The following AGPAT4 variants were observed in gnomAD, a reference collection of about 807,000 sequenced individuals.
AGPAT4 encodes 1-acyl-sn-glycerol-3-phosphate acyltransferase delta.
A neutral mutation model predicts 48.0 loss-of-function variants in AGPAT4; 15 were observed. The ratio of observed to expected loss-of-function variants is 0.31; its 90% confidence interval spans 0.21 to 0.48. AGPAT4 has a LOEUF of 0.48. Among genes scored for constraint, AGPAT4 ranks in the 20% least tolerant of loss-of-function variants. The pLI, the probability that AGPAT4 is intolerant of heterozygous loss-of-function variation, is 0.99. For missense variants in AGPAT4, 314 were observed against 482.5 expected, an observed-to-expected ratio of 0.65 and a Z score of 3.27; for synonymous variants, 178 against 198.7, an observed-to-expected ratio of 0.90 and a Z score of 0.88.
chr6:161,268,369 A>G (rs1783325096), intron 1 of AGPAT4, among the ~76,000 whole-genome samples: 1 of 152,196 alleles, frequency 6.6e-6, no homozygotes, highest in Non-Finnish European at 1.5e-5. Context: ...AACGGGATAC[A>G]TGTGCAGAAT....
chr6:161,131,226 G>A lies in AGPAT4; in HGVS notation c.*5314C>T, dbSNP rs1778890291. 4.6e-6 allele frequency: 1 copy of A among 217,860 alleles called. No homozygotes were observed. Among genetic ancestry groups the A allele is most frequent in the Non-Finnish European group, 9.5e-6 (1 of 105,154 alleles). 13.5% of individuals were successfully genotyped at this position (217,860 alleles called of 1,614,324 possible). ...AAGCTTTACTAACACAGCCCTGGGT[G>A]CTATTTCCAGATACTGAAAAGATCT... On this transcript the variant is annotated 3_prime_UTR_variant, in exon 9 of 9. Transcript: ENST00000320285.
chr6:161,230,135 T>A (rs1265835849), intron 2 of AGPAT4, among the ~76,000 whole-genome samples: 5 of 152,174 alleles, frequency 3.3e-5, no homozygotes, highest in Non-Finnish European at 5.9e-5. Context: ...CACTAATGCA[T>A]CCTGAGAAAA....
rs1403173341 is a variant in AGPAT4, at chr6:161,254,566, C to A, written c.-90+19372G>T. On this transcript the variant is annotated intron_variant, in intron 1 of 8. Coordinates refer to ENST00000320285, the MANE Select transcript of AGPAT4 (RefSeq NM_020133.3). The surrounding 1 kb of genome is among the most constrained non-coding windows in gnomAD (Gnocchi z 5.9). The stretch of plus-strand genomic sequence containing the variant: ...CGGCCATGTTCTTTATGTCCTTTCA[C>A]TCCTCTGCTTACAGTAAGAAATAAC... Among the ~76,000 whole-genome samples, 1 of 152,242 alleles carries A rather than the reference C, an allele frequency of 6.6e-6. No homozygotes were observed. The highest frequency in any genetic ancestry group is 6.5e-5 in the Admixed American group (1 of 15,284).
chr6:161,259,840 G>A lies in AGPAT4; in HGVS notation c.-90+14098C>T, dbSNP rs1490598960. 6.6e-6 allele frequency among the ~76,000 whole-genome samples: 1 copy of A among 152,154 alleles called. No individual in the cohort carries two copies. The highest frequency in any genetic ancestry group is 2.4e-5 in the African/African-American group (1 of 41,442). Reference sequence around the variant, plus strand: ...CAGGGGTCCACTTTTTACAATGTCAGCACCTAGCTCCATGGTATCTATGTG... The same window carrying A: ...CAGGGGTCCACTTTTTACAATGTCAACACCTAGCTCCATGGTATCTATGTG... On this transcript the variant is annotated intron_variant, in intron 1 of 8. Transcript: ENST00000320285. This position sits in a 1 kb window ranked among gnomAD's most constrained non-coding sequence, Gnocchi z 4.9.
rs1023707451 is a variant in AGPAT4 at position 161,232,815 on chromosome 6, A to G, written c.-89-513T>C. 6.6e-6 allele frequency among the ~76,000 whole-genome samples: 1 copy of G among 152,182 alleles called. No homozygotes were observed. Among genetic ancestry groups the G allele is most frequent in the Non-Finnish European group, 1.5e-5 (1 of 68,034 alleles). On this transcript the variant is annotated intron_variant, in intron 1 of 8. Coordinates refer to ENST00000320285, the MANE Select transcript of AGPAT4 (RefSeq NM_020133.3). This position sits in a 1 kb window ranked among gnomAD's most constrained non-coding sequence, Gnocchi z 6.8. ...TTCCAGCAGGACTGCCCTAAAGTCA[A>G]GCCTGCCCTGGACAAGGACGAGGAC...
rs1779229712 is a variant in AGPAT4 at position 161,140,926 on chromosome 6, G to A, written c.844-1306C>T. ...AGTTTGTGTCCCATGAACTAGCCTAGTAATGTCCCAGTTCTCTAAGGAGTC... is the reference window on the plus strand; with the variant it reads ...AGTTTGTGTCCCATGAACTAGCCTAATAATGTCCCAGTTCTCTAAGGAGTC... On this transcript the variant is annotated intron_variant, in intron 7 of 8. Transcript: ENST00000320285. This position sits in a 1 kb window ranked among gnomAD's most constrained non-coding sequence, Gnocchi z 6.5. Among the ~76,000 whole-genome samples, 1 of 152,230 alleles carries A rather than the reference G, an allele frequency of 6.6e-6. No homozygotes were observed. The highest frequency in any genetic ancestry group is 2.4e-5 in the African/African-American group (1 of 41,462).
rs146793186 is a variant in AGPAT4, at chr6:161,155,220, G to A, written c.349-910C>T. On this transcript the variant is annotated intron_variant, in intron 3 of 8. Coordinates refer to ENST00000320285, the MANE Select transcript of AGPAT4 (RefSeq NM_020133.3). The surrounding 1 kb of genome is among the most constrained non-coding windows in gnomAD (Gnocchi z 5.8). ...ACATCAGTCCCCCTACACTGAGGAAGACCAGGGCTTCAGTGGGATGGACGG... is the reference window on the plus strand; with the variant it reads ...ACATCAGTCCCCCTACACTGAGGAAAACCAGGGCTTCAGTGGGATGGACGG... 9.7e-3 allele frequency among the ~76,000 whole-genome samples: 1,472 copies of A among 152,324 alleles called. 18 individuals carry two copies. The highest frequency in any genetic ancestry group is 0.015 in the Non-Finnish European group (1,006 of 68,018).
rs1247562403 is a variant in AGPAT4 at position 161,226,085 on chromosome 6, C to T, written c.178+5951G>A. The stretch of plus-strand genomic sequence containing the variant: ...ACCATCTGGGAACTGATAAGGATGA[C>T]TCTTTGGACCTTCAAAGAGGGGACC... On this transcript the variant is annotated intron_variant, in intron 2 of 8. Coordinates refer to ENST00000320285, the MANE Select transcript of AGPAT4 (RefSeq NM_020133.3). The surrounding 1 kb of genome is among the most constrained non-coding windows in gnomAD (Gnocchi z 6.3). Among the ~76,000 whole-genome samples, 3 of 152,188 alleles carry T rather than the reference C, an allele frequency of 2.0e-5. No homozygotes were observed. Among genetic ancestry groups the T allele is most frequent in the Non-Finnish European group, 2.9e-5 (2 of 68,040 alleles).
At position 161,206,037 on chromosome 6, in the gene AGPAT4, T is replaced by G. The variant is rs780874674; in HGVS notation, c.178+25999A>C. Among the ~76,000 whole-genome samples the G allele has an allele frequency of 1.2e-4, 18 of 152,018 alleles. No homozygotes were observed. The highest frequency in any genetic ancestry group is 2.1e-4 in the Non-Finnish European group (14 of 68,000). On this transcript the variant is annotated intron_variant, in intron 2 of 8. Coordinates refer to ENST00000320285, the MANE Select transcript of AGPAT4 (RefSeq NM_020133.3). This position sits in a 1 kb window ranked among gnomAD's most constrained non-coding sequence, Gnocchi z 4.8. ...AGGAACGACATGGTGGTGAACTCTT[T>G]GTACTCGTATGTTTTTTCAAGCCCG...
At position 161,243,638 on chromosome 6, in the gene AGPAT4, G is replaced by C. The variant is rs1782563771; in HGVS notation, c.-89-11336C>G. ...TAACAATTACACACAGGAAGGCAGA[G>C]AAACAGCACAACAGCTGCAGGAAGA... is the stretch of plus-strand genomic sequence containing the variant. On this transcript the variant is annotated intron_variant, in intron 1 of 8. Transcript: ENST00000320285. This position sits in a 1 kb window ranked among gnomAD's most constrained non-coding sequence, Gnocchi z 4.8. Among the ~76,000 whole-genome samples, 1 of 152,192 alleles carries C rather than the reference G, an allele frequency of 6.6e-6. No homozygotes were observed. Among genetic ancestry groups the C allele is most frequent in the African/African-American group, 2.4e-5 (1 of 41,442 alleles).
chr6:161,166,293 G>A lies in AGPAT4; in HGVS notation c.303C>T (p.Asp101=). ...CGGACAGGCTCCAGCCACACAGAAA[G>A]TCAATTTCAAACTTGTGGTTGAGAA... ...IVVLNHKFEI[D]FLCGWSLSER... Residue 101 remains aspartate, a synonymous_variant, in exon 3 of 9, where the codon GAC becomes GAT. Transcript: ENST00000320285. This position sits in a 1 kb window ranked among gnomAD's most constrained non-coding sequence, Gnocchi z 6.7. 1 of 1,614,126 alleles carries A rather than the reference G, an allele frequency of 6.2e-7. No individual in the cohort carries two copies. The highest frequency in any genetic ancestry group is 1.1e-5 in the South Asian group (1 of 91,076).
chr6:161,139,983 T>C lies in AGPAT4; in HGVS notation c.844-363A>G, dbSNP rs1779199413. Among the ~76,000 whole-genome samples the C allele has an allele frequency of 6.6e-6, 1 of 152,192 alleles. No individual in the cohort carries two copies. Among genetic ancestry groups the C allele is most frequent in the Non-Finnish European group, 1.5e-5 (1 of 68,018 alleles). ...GTCTGTCTAATGGGGCAGCAGTGCC[T>C]TCCACGATAGGTCGGCGGGAGAATG... On this transcript the variant is annotated intron_variant, in intron 7 of 8. Transcript: ENST00000320285. The surrounding 1 kb of genome is among the most constrained non-coding windows in gnomAD (Gnocchi z 9.1).
At chr6:161,145,822 TTAAAACATA>T (rs1779407047) in intron 7 of AGPAT4, among the ~76,000 whole-genome samples, 1 of 151,676 alleles carries the variant, frequency 6.6e-6, no homozygotes, top group African/African-American at 2.4e-5. Context: ...TTGTTTGGGT[TTAAAACATA>T]TGGTGAATCA....
intron 2 of AGPAT4, among the ~76,000 whole-genome samples, chr6:161,190,673 T>C (rs1241931457): frequency 6.6e-6 from 1 of 151,706 alleles, no homozygotes; most frequent in Non-Finnish European, 1.5e-5. Context: ...CTTCTGAATA[T>C]TCCAAATCTC....
intron 2 of AGPAT4, among the ~76,000 whole-genome samples, chr6:161,188,465 G>A (rs1287379284): frequency 3.9e-5 from 6 of 152,084 alleles, no homozygotes; most frequent in Non-Finnish European, 5.9e-5. Context: ...TTCCAACAAC[G>A]TAATATTCTG....
At chr6:161,258,801 T>TA (rs1224420468) in intron 1 of AGPAT4, among the ~76,000 whole-genome samples, 2 of 151,380 alleles carry the variant, frequency 1.3e-5, no homozygotes, top group African/African-American at 4.9e-5. Context: ...GCATTTAATT[T>TA]TTTTTTTTTT....
At chr6:161,150,940 C>T (rs1023036829) in intron 5 of AGPAT4, among the ~76,000 whole-genome samples, 2 of 152,178 alleles carry the variant, frequency 1.3e-5, no homozygotes, top group South Asian at 2.1e-4. Flanking sequence ...CACAGGGACC[C>T]ATGCAGACAA....
At chr6:161,188,320 G>A (rs758177316) in intron 2 of AGPAT4, among the ~76,000 whole-genome samples, 1 of 152,108 alleles carries the variant, frequency 6.6e-6, no homozygotes, top group Non-Finnish European at 1.5e-5. Context: ...AACTTTTTCA[G>A]TAGAGCAGCT....
In AGPAT4 at chr6:161,266,010, G is replaced by A. The variant is rs75051419; in HGVS notation, c.-90+7928C>T. Among the ~76,000 whole-genome samples, 967 of 152,234 alleles carry A rather than the reference G, an allele frequency of 6.4e-3. 7 individuals carry two copies. Among genetic ancestry groups the A allele is most frequent in the African/African-American group, 0.022 (916 of 41,548 alleles). On this transcript the variant is annotated intron_variant, in intron 1 of 8. Transcript: ENST00000320285. This position sits in a 1 kb window ranked among gnomAD's most constrained non-coding sequence, Gnocchi z 6.2. Reference sequence around the variant, plus strand: ...TGGGTTTGCTTTGATCGGACCAACCGGATTCCTGAGTGTACCTGACAGAGC... The same window carrying A: ...TGGGTTTGCTTTGATCGGACCAACCAGATTCCTGAGTGTACCTGACAGAGC...
Sources: gnomAD v4.1 joint callset for allele counts (sites outside exome capture counted in the v4.1 genomes callset) on GRCh38, gnomAD v4.1.1 for gene constraint, Gnocchi (gnomAD v3.1) non-coding constraint, MANE v1.5 for transcripts, NCBI Gene and HGNC (gene_info 2026-07-23, HGNC 2026-07-21) for gene names.